KCP: variants seen among roughly 807,000 people sequenced by gnomAD.
KCP encodes kielin cysteine rich BMP regulator.
KCP carries 194 observed loss-of-function variants against 212.7 expected under a neutral mutation model. The ratio of observed to expected loss-of-function variants is 0.91; its 90% confidence interval spans 0.81 to 1.03. The LOEUF is 1.03. KCP is among the 50% of genes least tolerant of loss of function. The probability of loss-of-function intolerance (pLI) is 0.00; values close to 1 mark genes in which losing one functional copy is unlikely to be tolerated. For synonymous variants in KCP, 833 were observed against 865.3 expected, an observed-to-expected ratio of 0.96 and a Z score of 0.65; for missense variants, 2,080 against 2,162.5, an observed-to-expected ratio of 0.96 and a Z score of 0.76.
chr7:128,891,061 C>T lies in KCP; in HGVS notation c.2008G>A (p.Ala670Thr), dbSNP rs1794087566. 2.8e-6 allele frequency: 4 copies of T among 1,404,488 alleles called. No homozygotes were observed. The highest frequency in any genetic ancestry group is 2.6e-4 in the Middle Eastern group (1 of 3,830). 87.0% of individuals were successfully genotyped at this position (1,404,488 alleles called of 1,614,324 possible). Reference protein sequence around the residue: ...PAPAGCPRPGAAHARHQEYFS... With the variant: ...PAPAGCPRPGTAHARHQEYFS... ...TACTCCTGGTGGCGGGCGTGGGCCG[C>T]GCCGGGCCGTGGGCAGCCGGCGGGG... Residue 670 changes from alanine to threonine, a missense_variant, in exon 20 of 40, where the codon GCG (alanine) becomes ACG (threonine). Ala to Thr is a moderately conservative substitution (Grantham distance 58). Coordinates refer to ENST00000610776, the MANE Select transcript of KCP (RefSeq NM_001366122.1).
chr7:128,899,152 T>G (rs996256208), intron 8 of KCP, among the ~76,000 whole-genome samples: 7 of 152,212 alleles, frequency 4.6e-5, no homozygotes, highest in Non-Finnish European at 1.0e-4. Context: ...GTGTTACTGG[T>G]ATGTGTTCCA....
intron 19 of KCP, 29 bp downstream of exon 19, chr7:128,891,156 G>A (rs1025590627): frequency 2.6e-6 from 4 of 1,539,604 alleles, no homozygotes; most frequent in Non-Finnish European, 3.5e-6. Flanking sequence ...GACCCCCAGG[G>A]AGGAGCAGCC....
rs1011702867 is a variant in KCP, at chr7:128,890,868, A to C, written c.2164+37T>G. ...CTCCGGGGCGGGGCGGGGCGGCAGG[A>C]CGCGGGTGGCCGGGAGGGGCACCGC... On this transcript the variant is annotated intron_variant, in intron 20 of 39. Coordinates refer to ENST00000610776, the MANE Select transcript of KCP (RefSeq NM_001366122.1). 1.4e-4 allele frequency: 168 copies of C among 1,234,392 alleles called. No homozygotes were observed. The African/African-American group carries it at 2.5e-3, about 18-fold the overall frequency. 76.5% of individuals were successfully genotyped at this position (1,234,392 alleles called of 1,614,324 possible).
chr7:128,879,460 A>G, intron 37 of KCP, 62 bp downstream of exon 37: 1 of 1,388,926 alleles, frequency 7.2e-7, no homozygotes, highest in South Asian at 1.3e-5. Flanking sequence ...ACAGATACAG[A>G]GGCCTAAACA....
Position 128,894,054 on chromosome 7 carries a change from G to A in KCP, c.927C>T (p.Gly309=). ...GGTGCTCCCGCCCGTTTAGGAAACA[G>A]CCTGTTGGGAAGGGGGGCCTTAGAT... ...LPGTCCPVCD[G]CFLNGREHRS... The change falls in exon 10 of 40, where the codon GGC becomes GGT. Residue 309 remains glycine, a splice_region_variant and synonymous_variant. Coordinates refer to ENST00000610776, the MANE Select transcript of KCP (RefSeq NM_001366122.1). 1 of 1,549,362 alleles carries A rather than the reference G, an allele frequency of 6.5e-7. No individual in the cohort carries two copies. Among genetic ancestry groups the A allele is most frequent in the Non-Finnish European group, 8.7e-7 (1 of 1,146,036 alleles).
Position 128,892,969 on chromosome 7 carries a change from A to G in KCP, c.1320T>C (p.Asp440=), listed in dbSNP as rs539770283. 93 of 1,223,158 alleles carry G rather than the reference A, an allele frequency of 7.6e-5. No individual in the cohort carries two copies. Among genetic ancestry groups the G allele is most frequent in the South Asian group, 6.6e-4 (51 of 77,576 alleles). The allele number at this position is 1,223,158 out of a possible 1,614,324, so 75.8% of individuals were successfully genotyped here. Residue 440 remains aspartate (D), a synonymous_variant, in exon 14 of 40, where the codon GAT becomes GAC. Coordinates refer to ENST00000610776, the MANE Select transcript of KCP (RefSeq NM_001366122.1). ...AGACGCAGGCGGTGCAGGGCCGACC[A>G]TCAGGCTCCCACTGGACTCCCTCAG... The part of the protein sequence containing the change: ...EFAEGVQWEP[D]GRPCTACVCQ...
intron 22 of KCP, among the ~76,000 whole-genome samples, chr7:128,888,065 C>A: frequency 7.1e-6 from 1 of 141,726 alleles, no homozygotes; most frequent in African/African-American, 2.7e-5. Context: ...CCCACATACA[C>A]AGACACAAAT....
chr7:128,888,349 T>C (rs111066455), intron 22 of KCP, among the ~76,000 whole-genome samples: 5,300 of 43,378 alleles, frequency 0.12, 351 homozygotes, highest in African/African-American at 0.38. Context: ...CACACACACA[T>C]ACACAGATAC....
At chr7:128,895,640 GGTC>G (rs1794471764) in intron 8 of KCP, among the ~76,000 whole-genome samples, 3 of 152,322 alleles carry the variant, frequency 2.0e-5, no homozygotes, top group South Asian at 4.1e-4. Flanking sequence ...TGACAAAAGA[GGTC>G]GGCACAAAAT....
intron 8 of KCP, among the ~76,000 whole-genome samples, chr7:128,901,015 C>T (rs929038201): frequency 2.6e-5 from 4 of 152,108 alleles, no homozygotes; most frequent in Non-Finnish European, 5.9e-5. Flanking sequence ...GAGGTCAGCA[C>T]AAGATATAGG....
In KCP at chr7:128,886,901, G is replaced by GCCT; in HGVS notation, c.2661_2663dup (p.Gly888dup). 1 of 1,532,192 alleles carries GCCT rather than the reference G, an allele frequency of 6.5e-7. No individual in the cohort carries two copies. The highest frequency in any genetic ancestry group is 1.7e-4 in the Middle Eastern group (1 of 5,886). 94.9% of individuals were successfully genotyped at this position (1,532,192 alleles called of 1,614,324 possible). ...TGTGGCAAACAGGGCAGAAGCAGGG[G>GCCT]CCTGGAGAGGGGTGGGGGCAGAGAG... On this transcript the variant is annotated inframe_insertion, in exon 24 of 40. Transcript: ENST00000610776.
At position 128,891,650 on chromosome 7, in the gene KCP, G is replaced by A; in HGVS notation, c.1791C>T (p.Cys597=). The stretch of plus-strand genomic sequence containing the variant: ...GCCCTGACCCGCCCACCTCACCGCT[G>A]CAGTCGTTCGGGCAGCAGGTCCCAG... The part of the protein sequence containing the change: ...PLPGTCCPND[C]SGCAFGGKEY... The change falls in exon 17 of 40, where the codon TGC becomes TGT. Residue 597 remains cysteine, a synonymous_variant. Coordinates refer to ENST00000610776, the MANE Select transcript of KCP (RefSeq NM_001366122.1). The A allele has an allele frequency of 6.8e-7, 1 of 1,465,526 alleles. No individual in the cohort carries two copies. The highest frequency in any genetic ancestry group is 9.0e-7 in the Non-Finnish European group (1 of 1,106,650). The allele number at this position is 1,465,526 out of a possible 1,614,324, so 90.8% of individuals were successfully genotyped here. A position where few individuals can be genotyped will look rare whatever the true frequency, so the allele number is the denominator to read the frequency against.
chr7:128,880,439 C>A lies in KCP; in HGVS notation c.3706G>T (p.Ala1236Ser). Residue 1236 changes from alanine (A) to serine (S), a missense_variant, in exon 34 of 40, where the codon GCG (alanine) becomes TCG (serine). Physicochemically the swap from Ala to Ser is moderately conservative, Grantham distance 99 (BLOSUM62 1). Coordinates refer to ENST00000610776, the MANE Select transcript of KCP (RefSeq NM_001366122.1). ...VDTCTSCSCM[A>S]GTVRCQSQRC... ...TGGCTCTGGCAACGCACGGTGCCCG[C>A]CATGCAGGAGCAGCTGGTGCAGGTG... The A allele has an allele frequency of 6.5e-7, 1 of 1,547,476 alleles. No individual in the cohort carries two copies. Among genetic ancestry groups the A allele is most frequent in the Non-Finnish European group, 8.7e-7 (1 of 1,145,062 alleles).
At chr7:128,904,293 A>C in intron 5 of KCP, 155 bp from the exon 6 acceptor site, 1 of 1,552,910 alleles carries the variant, frequency 6.4e-7, no homozygotes, top group Middle Eastern at 1.7e-4. Context: ...CCGGGCCGGC[A>C]GATGGGGCAG....
chr7:128,885,690 C>A (rs867602203), intron 26 of KCP, among the ~76,000 whole-genome samples: 4 of 152,192 alleles, frequency 2.6e-5, no homozygotes, highest in South Asian at 2.1e-4. Flanking sequence ...TCTGTCCTGC[C>A]TCCCTCCCAG....
At chr7:128,904,417 C>A (rs780171023) in intron 5 of KCP, 5 of 1,415,846 alleles carry the variant, frequency 3.5e-6, no homozygotes, top group South Asian at 1.2e-5. Context: ...TCCCTTCCCC[C>A]ACCATCCTCC....
intron 16 of KCP, 40 bp from the exon 17 acceptor site, chr7:128,891,859 C>T: frequency 7.2e-7 from 1 of 1,380,534 alleles, no homozygotes. Context: ...AGGGCAAAGC[C>T]TGACAGTCCC....
intron 27 of KCP, 25 bp from the exon 28 acceptor site, chr7:128,884,888 C>A (rs1450030256): frequency 6.5e-7 from 1 of 1,548,338 alleles, no homozygotes; most frequent in African/African-American, 1.4e-5. Flanking sequence ...GAGAGCAGAA[C>A]GGGACCAGGG....
rs1269685618 is a variant in KCP at position 128,881,707 on chromosome 7, T to G, written c.3343A>C (p.Ile1115Leu). The G allele has an allele frequency of 3.9e-6, 6 of 1,531,898 alleles. No individual in the cohort carries two copies. The highest frequency in any genetic ancestry group is 2.8e-5 in the African/African-American group (2 of 71,346). 94.9% of individuals were successfully genotyped at this position (1,531,898 alleles called of 1,614,324 possible). A position where few individuals can be genotyped will look rare whatever the true frequency, so the allele number is the denominator to read the frequency against. The part of the protein sequence containing the change: ...CQCQDLTWLC[I>L]HQACPELSCP... ...CTGAGCTCAGGACAAGCCTGGTGGA[T>G]GCAGAGCCATGTCAGGTCCTGCCCA... The change falls in exon 31 of 40, where the codon ATC (isoleucine) becomes CTC (leucine). Residue 1115 changes from isoleucine to leucine, a missense_variant. Transcript: ENST00000610776.
Sources: allele counts gnomAD v4.1 joint callset (sites outside exome capture counted in the v4.1 genomes callset), GRCh38; gene constraint gnomAD v4.1.1; transcripts MANE v1.5; gene names NCBI Gene and HGNC (gene_info 2026-07-23, HGNC 2026-07-21).